Variants in NDUFS8 observed in about 807,000 individuals in gnomAD.
The protein encoded by NDUFS8 is NADH dehydrogenase [ubiquinone] iron-sulfur protein 8, mitochondrial.
In NDUFS8, 13 loss-of-function variants were observed where a neutral mutation model predicts 25.6. The ratio of observed to expected loss-of-function variants is 0.51; its 90% CI spans 0.33 to 0.81. The LOEUF (loss-of-function observed/expected upper bound fraction) is 0.81, where lower values mean the gene tolerates loss of function less well. Ranked by LOEUF, NDUFS8 falls within the 30% of genes least tolerant of loss-of-function variation. The pLI is 0.02. For missense variants in NDUFS8, 257 were observed against 300.9 expected (o/e 0.85, Z 1.08); for synonymous variants, 119 against 119.4 (o/e 1.00, Z 0.02).
In NDUFS8 at chr11:68,030,771, G is replaced by C. The variant is rs115672598; in HGVS notation, c.-1+38G>C. On this transcript the variant is annotated intron_variant, in intron 1 of 6. Coordinates refer to ENST00000313468, the MANE Select transcript of NDUFS8 (RefSeq NM_002496.4). ...GTTTTGGCCGTGAAAGTCGGGCTTG[G>C]GCAGCGTGGCGTCGGGGGCGAGTGT... 877 of 348,962 alleles carry C rather than the reference G, an allele frequency of 2.5e-3. 7 individuals carry two copies. The highest frequency in any genetic ancestry group is 0.018 in the African/African-American group (790 of 45,056). The allele number at this position is 348,962 out of a possible 1,614,324, so 21.6% of individuals were successfully genotyped here.
At position 68,033,284 on chromosome 11, in the gene NDUFS8, G is replaced by C; in HGVS notation, c.372+1G>C. The C allele has an allele frequency of 1.9e-6, 3 of 1,601,752 alleles. No individual in the cohort carries two copies. Among genetic ancestry groups the C allele is most frequent in the Non-Finnish European group, 2.5e-6 (3 of 1,177,582 alleles). Reference sequence around the variant, plus strand: ...CTGCGAGGCCATCTGCCCCGCCCAGGTGAGCCCCTGCCCCAACCGGCCACC... The same window carrying C: ...CTGCGAGGCCATCTGCCCCGCCCAGCTGAGCCCCTGCCCCAACCGGCCACC... On this transcript the variant is annotated splice_donor_variant, in intron 5 of 6. Coordinates refer to ENST00000313468, the MANE Select transcript of NDUFS8 (RefSeq NM_002496.4). LOFTEE classifies it high-confidence loss of function.
Position 68,033,019 on chromosome 11 carries a change from C to A in NDUFS8, c.199+7C>A. ...TGGACTGAGCTCTTCCGAGGTGCGT[C>A]CTGGGCATGAGGGGACAGGGAAGGT... On this transcript the variant is annotated splice_region_variant and intron_variant, in intron 4 of 6. Transcript: ENST00000313468. The A allele has an allele frequency of 1.9e-6, 3 of 1,613,700 alleles. No homozygotes were observed. Among genetic ancestry groups the A allele is most frequent in the Non-Finnish European group, 2.5e-6 (3 of 1,179,960 alleles).
rs765705646 is a variant in NDUFS8, at chr11:68,033,300, A to G, written c.372+17A>G. On this transcript the variant is annotated intron_variant, in intron 5 of 6. Coordinates refer to ENST00000313468, the MANE Select transcript of NDUFS8 (RefSeq NM_002496.4). Reference sequence around the variant, plus strand: ...CCCGCCCAGGTGAGCCCCTGCCCCAACCGGCCACCACGCCAGCCCCTGCCA... The same window carrying G: ...CCCGCCCAGGTGAGCCCCTGCCCCAGCCGGCCACCACGCCAGCCCCTGCCA... 3.8e-6 allele frequency: 6 copies of G among 1,593,302 alleles called. No individual in the cohort carries two copies. Among genetic ancestry groups the G allele is most frequent in the Non-Finnish European group, 5.1e-6 (6 of 1,175,080 alleles).
At chr11:68,032,374 G>T (rs767967357) in intron 3 of NDUFS8, 38 bp downstream of exon 3, 3 of 1,612,666 alleles carry the variant, frequency 1.9e-6, no homozygotes, top group Middle Eastern at 1.9e-4. Flanking sequence ...AGGTGTTCCT[G>T]ACTGGTCCTG....
chr11:68,030,954 C>T (rs1347961453), intron 1 of NDUFS8: 1 of 440,776 alleles, frequency 2.3e-6, no homozygotes. Context: ...TCGGAGATCA[C>T]TGGGAAGGTG....
At chr11:68,033,862 C>T (rs1408670870) in intron 5 of NDUFS8, 1 of 172,596 alleles carries the variant, frequency 5.8e-6, no homozygotes, top group Non-Finnish European at 1.3e-5. Flanking sequence ...TTCTGTGACT[C>T]GGGTGGCTCC....
rs1273033619 is a variant in NDUFS8, at chr11:68,033,177, G to A, written c.266G>A (p.Gly89Asp). Residue 89 changes from glycine (G) to aspartate (D), a missense_variant, in exon 5 of 7, where the codon GGC (glycine) becomes GAC (aspartate). Coordinates refer to ENST00000313468, the MANE Select transcript of NDUFS8 (RefSeq NM_002496.4). ...ACCATCAACTACCCGTTCGAGAAGG[G>A]CCCGCTGAGCCCTCGCTTCCGTGGG... Reference protein sequence around the residue: ...PATINYPFEKGPLSPRFRGEH... With the variant: ...PATINYPFEKDPLSPRFRGEH... 2 of 1,612,396 alleles carry A rather than the reference G, an allele frequency of 1.2e-6. No individual in the cohort carries two copies. The highest frequency in any genetic ancestry group is 1.1e-5 in the South Asian group (1 of 90,992).
intron 3 of NDUFS8, chr11:68,032,553 G>C: frequency 6.8e-7 from 1 of 1,463,502 alleles, no homozygotes; most frequent in Non-Finnish European, 9.0e-7. Context: ...GAGCTCCCTG[G>C]GTGTGATGGG....
chr11:68,036,379 G>T lies in NDUFS8; in HGVS notation c.499G>T (p.Glu167Ter). ...GGCCTGTCCCGTGGATGCCATCGTC[G>T]AGGCACGTGAGGCCCCCGGGTGGGA... ...QEACPVDAIV[E>*]GPNFEFSTET... is the part of the protein sequence containing the mutation. The change falls in exon 6 of 7, where the codon GAG (glutamate) becomes TAG (stop). Residue 167 changes from glutamate (E) to a stop codon, truncating the protein, a stop_gained and splice_region_variant. Coordinates refer to ENST00000313468, the MANE Select transcript of NDUFS8 (RefSeq NM_002496.4). LOFTEE classifies it high-confidence loss of function. 1 of 1,613,736 alleles carries T rather than the reference G, an allele frequency of 6.2e-7. No homozygotes were observed. Among genetic ancestry groups the T allele is most frequent in the Non-Finnish European group, 8.5e-7 (1 of 1,179,982 alleles).
intron 5 of NDUFS8, chr11:68,035,161 G>T (rs575175944): frequency 1.6e-4 from 24 of 153,328 alleles, no homozygotes; most frequent in African/African-American, 5.1e-4. Flanking sequence ...TAGGGGCCAG[G>T]CACAGTGGCT....
intron 5 of NDUFS8, chr11:68,033,601 C>T (rs1223893866): frequency 4.5e-6 from 2 of 441,138 alleles, no homozygotes. Context: ...CCACGCCTCC[C>T]TGGATGTAGC....
rs1383742036 is a variant in NDUFS8 at position 68,036,609 on chromosome 11, C to T, written c.*16C>T. On this transcript the variant is annotated 3_prime_UTR_variant, in exon 7 of 7. Transcript: ENST00000313468. ...GTATCGGTGACGCCCCACCGGCCCG[C>T]AGCCCCTGCTGCCCAATAAAACCAC... The T allele has an allele frequency of 1.7e-5, 28 of 1,612,878 alleles. No homozygotes were observed. In the Middle Eastern group the frequency reaches 9.1e-4, roughly 52 times the overall value.
intron 5 of NDUFS8, chr11:68,033,545 G>A: frequency 1.8e-6 from 1 of 565,592 alleles, no homozygotes; most frequent in East Asian, 3.1e-5. Context: ...CTGGCCAAGG[G>A]TGTGACCCCT....
intron 5 of NDUFS8, chr11:68,033,803 C>T (rs202187634): frequency 6.9e-5 from 12 of 174,696 alleles, no homozygotes; most frequent in Admixed American, 1.7e-4. Flanking sequence ...GCAGGAGCCC[C>T]GGCAGCCGCC....
intron 5 of NDUFS8, chr11:68,035,828 G>A: frequency 2.5e-6 from 1 of 406,794 alleles, no homozygotes; most frequent in South Asian, 1.7e-5. Flanking sequence ...GACCATCCTG[G>A]TCTACATGGT....
chr11:68,033,072 G>T (rs1482431132), intron 4 of NDUFS8, 39 bp from the exon 5 acceptor site: 1 of 1,613,092 alleles, frequency 6.2e-7, no homozygotes, highest in Non-Finnish European at 8.5e-7. Flanking sequence ...GCATGGGGGA[G>T]GAGGGTGCCC....
At chr11:68,036,425 C>T (rs548093336) in intron 6 of NDUFS8, 37 bp from the exon 7 acceptor site, 58 of 1,613,716 alleles carry the variant, frequency 3.6e-5, no homozygotes, top group Middle Eastern at 1.6e-4. Flanking sequence ...GGCTCCTCAG[C>T]AGGGCCTAAC....
chr11:68,032,524 G>C, intron 3 of NDUFS8, 188 bp downstream of exon 3: 1 of 1,496,078 alleles, frequency 6.7e-7, no homozygotes, highest in South Asian at 1.3e-5. Flanking sequence ...CATTGCCGAG[G>C]TTAGCATGTG....
intron 5 of NDUFS8, chr11:68,035,010 A>T (rs895371977): frequency 1.3e-5 from 2 of 152,228 alleles, no homozygotes; most frequent in Non-Finnish European, 2.9e-5. Context: ...CGGAGGTTGC[A>T]GTGAACTATG....
Sources: allele counts gnomAD v4.1 joint callset, GRCh38; gene constraint gnomAD v4.1.1; transcripts MANE v1.5; gene names NCBI Gene and HGNC (gene_info 2026-07-23, HGNC 2026-07-21).